Variants in DNAAF4 observed in about 807,000 individuals in gnomAD.
DNAAF4 encodes the protein dynein axonemal assembly factor 4.
DNAAF4 carries 43 observed loss-of-function variants against 51.8 expected under a neutral mutation model. The ratio of observed to expected loss-of-function variants is 0.83; its 90% CI spans 0.65 to 1.07. The LOEUF (loss-of-function observed/expected upper bound fraction) is 1.07. DNAAF4 is among the 50% of genes least tolerant of loss of function. DNAAF4 has a pLI of 0.00. For missense variants in DNAAF4, 581 were observed against 493.0 expected (o/e 1.18, Z -1.69); for synonymous variants, 194 against 165.6 (o/e 1.17, Z -1.32).
intron 4 of DNAAF4, 41 bp downstream of exon 4, chr15:55,491,082 A>G: frequency 6.2e-7 from 1 of 1,612,062 alleles, no homozygotes; most frequent in Non-Finnish European, 8.5e-7. Context: ...ATAGTCTACT[A>G]TTATCTCTTT....
At chr15:55,506,198 A>G (rs2058726223) in intron 1 of DNAAF4, among the ~76,000 whole-genome samples, 1 of 152,238 alleles carries the variant, frequency 6.6e-6, no homozygotes, top group African/African-American at 2.4e-5. Context: ...ATAAACAAAG[A>G]GAACATATAA....
chr15:55,433,864 T>TA (rs1483230249), intron 8 of DNAAF4, among the ~76,000 whole-genome samples: 3 of 39,804 alleles, frequency 7.5e-5, no homozygotes, highest in African/African-American at 1.7e-4. Context: ...TTATAATATA[T>TA]ATTATATATA....
chr15:55,468,669 C>T (rs2058204571), intron 4 of DNAAF4, among the ~76,000 whole-genome samples: 1 of 152,146 alleles, frequency 6.6e-6, no homozygotes, highest in Non-Finnish European at 1.5e-5. Context: ...TGTGGAGAGT[C>T]AGACACCCTC....
At chr15:55,493,694 G>C (rs182161593) in intron 3 of DNAAF4, among the ~76,000 whole-genome samples, 7 of 152,148 alleles carry the variant, frequency 4.6e-5, no homozygotes, top group Non-Finnish European at 7.4e-5. Flanking sequence ...TGAATTGCAA[G>C]TAAAATTGAG....
At position 55,490,522 on chromosome 15, in the gene DNAAF4, C is replaced by T. The variant is rs115832877; in HGVS notation, c.405+601G>A. Among the ~76,000 whole-genome samples the T allele has an allele frequency of 7.8e-3, 1,194 of 152,264 alleles. 13 individuals carry two copies. The highest frequency in any genetic ancestry group is 0.024 in the African/African-American group (997 of 41,544). On this transcript the variant is annotated intron_variant, in intron 4 of 9. Coordinates refer to ENST00000321149, the MANE Select transcript of DNAAF4 (RefSeq NM_130810.4). ...TTTAAATATGCTTCTGTTTTAAAAT[C>T]ATATCTGTTATTCCAAGATTTAAAA...
At chr15:55,444,401 A>G (rs961158809) in intron 6 of DNAAF4, among the ~76,000 whole-genome samples, 27 of 152,124 alleles carry the variant, frequency 1.8e-4, no homozygotes, top group Admixed American at 1.2e-3. Flanking sequence ...CCATTGGTCT[A>G]TATCTCTGTT....
chr15:55,423,050 G>A (rs1238018747), intron 7 of DNAAF4, among the ~76,000 whole-genome samples: 1 of 151,716 alleles, frequency 6.6e-6, no homozygotes, highest in Non-Finnish European at 1.5e-5. Context: ...AAGAAGAAGC[G>A]GTAGAGAGGA....
chr15:55,442,480 C>A lies in DNAAF4; in HGVS notation c.784-2899G>T, dbSNP rs553524931. Among the ~76,000 whole-genome samples, 355 of 152,286 alleles carry A rather than the reference C, an allele frequency of 2.3e-3. 1 individual carries two copies. Among genetic ancestry groups the A allele is most frequent in the African/African-American group, 8.3e-3 (343 of 41,566 alleles). ...TGTTAAAAAGTTGGGAAGATGGAAACTGAATCCTCCTTGTATTCAGAAGGC... is the reference window on the plus strand; with the variant it reads ...TGTTAAAAAGTTGGGAAGATGGAAAATGAATCCTCCTTGTATTCAGAAGGC... On this transcript the variant is annotated intron_variant, in intron 6 of 9. Transcript: ENST00000321149.
chr15:55,461,576 T>C (rs1035311795), intron 5 of DNAAF4, among the ~76,000 whole-genome samples: 2 of 152,160 alleles, frequency 1.3e-5, no homozygotes, highest in African/African-American at 2.4e-5. Context: ...AATTTTAAAA[T>C]TCTTTGAACT....
Position 55,432,507 on chromosome 15 carries a change from C to A in DNAAF4, c.1143G>T (p.Leu381Phe), listed in dbSNP as rs756260886. ...CTATCAATTCCTTACCTTCTACATA[C>A]AATTCTAGTTGACAGAATGCTGTTC... ...RRGTAFCQLE[L>F]YVEGLQDYEA... Residue 381 changes from leucine to phenylalanine, a missense_variant, in exon 9 of 10, where the codon TTG becomes TTT. By Grantham distance (22) the Leu-to-Phe change is conservative. Transcript: ENST00000321149. 1 of 1,610,152 alleles carries A rather than the reference C, an allele frequency of 6.2e-7. No homozygotes were observed.
chr15:55,434,492 T>C lies in DNAAF4; in HGVS notation c.1047+413A>G, dbSNP rs1004442426. Among the ~76,000 whole-genome samples, 26 of 152,168 alleles carry C rather than the reference T, an allele frequency of 1.7e-4. No homozygotes were observed. In the South Asian group the frequency reaches 1.9e-3, roughly 11 times the overall value. ...CACAGTAAATATTAGTAATGGAAAG[T>C]AGAATATACTAAGTTACCCTGCAAA... On this transcript the variant is annotated intron_variant, in intron 8 of 9. Transcript: ENST00000321149.
chr15:55,432,468 G>T, intron 9 of DNAAF4, 29 bp downstream of exon 9: 1 of 1,563,578 alleles, frequency 6.4e-7, no homozygotes, highest in South Asian at 1.1e-5. Flanking sequence ...TATAACTTGG[G>T]ACTTAAACCA....
At position 55,497,690 on chromosome 15, in the gene DNAAF4, CAT is replaced by C. The variant is rs778142435; in HGVS notation, c.271+20_271+21del. ...AACCGAAAAGGTACAACCAGATGAA[CAT>C]CTTTTAATAAAGAACTTACCACCCG... On this transcript the variant is annotated intron_variant, in intron 3 of 9. Transcript: ENST00000321149. The C allele has an allele frequency of 8.8e-6, 14 of 1,586,636 alleles. No homozygotes were observed. The Admixed American group carries it at 2.6e-4, about 30-fold the overall frequency.
intron 4 of DNAAF4, among the ~76,000 whole-genome samples, chr15:55,485,708 T>A (rs554480038): frequency 2.6e-5 from 4 of 152,054 alleles, no homozygotes; most frequent in African/African-American, 7.2e-5. Flanking sequence ...ACAGGAAAAG[T>A]AGGCGGCCAA....
At chr15:55,478,426 G>C (rs2058364550) in intron 4 of DNAAF4, among the ~76,000 whole-genome samples, 1 of 152,316 alleles carries the variant, frequency 6.6e-6, no homozygotes, top group Middle Eastern at 3.4e-3. Context: ...CAGTGATGCA[G>C]ACAACGTTCT....
At chr15:55,487,574 C>CCGAAGGTGGTTACA (rs1567030940) in intron 4 of DNAAF4, among the ~76,000 whole-genome samples, 1 of 152,054 alleles carries the variant, frequency 6.6e-6, no homozygotes, top group Non-Finnish European at 1.5e-5. Context: ...TCTTCGGGTC[C>CCGAAGGTGGTTACA]GCGCCACCTT....
chr15:55,501,835 G>T (rs770567460), intron 1 of DNAAF4, among the ~76,000 whole-genome samples: 125 of 152,070 alleles, frequency 8.2e-4, no homozygotes, highest in Middle Eastern at 3.4e-3. Flanking sequence ...TTGAGGTTAA[G>T]AGTTTGAGAC....
chr15:55,485,037 A>G (rs1180950316), intron 4 of DNAAF4, among the ~76,000 whole-genome samples: 1 of 152,214 alleles, frequency 6.6e-6, no homozygotes, highest in Non-Finnish European at 1.5e-5. Flanking sequence ...GACAGTCAGT[A>G]TTAACCATCA....
Position 55,504,055 on chromosome 15 carries a change from C to T in DNAAF4, c.-256+4067G>A, listed in dbSNP as rs570418296. Among the ~76,000 whole-genome samples, 6 of 152,292 alleles carry T rather than the reference C, an allele frequency of 3.9e-5. No individual in the cohort carries two copies. In the South Asian group the frequency reaches 1.0e-3, roughly 26 times the overall value. Reference sequence around the variant, plus strand: ...AGCCTCAGCCCAAAATCTCCTTAAGCTGATAAGCAACTTCAGCAAAGTCTC... The same window carrying T: ...AGCCTCAGCCCAAAATCTCCTTAAGTTGATAAGCAACTTCAGCAAAGTCTC... On this transcript the variant is annotated intron_variant, in intron 1 of 9. Coordinates refer to ENST00000321149, the MANE Select transcript of DNAAF4 (RefSeq NM_130810.4).
Sources: allele counts gnomAD v4.1 joint callset (sites outside exome capture counted in the v4.1 genomes callset), GRCh38; gene constraint gnomAD v4.1.1; transcripts MANE v1.5; gene names NCBI Gene and HGNC (gene_info 2026-07-23, HGNC 2026-07-21).